ENOX1: variants seen among roughly 807,000 people sequenced by gnomAD.
ENOX1 encodes the protein ecto-NOX disulfide-thiol exchanger 1, also known as candidate growth-related and time keeping constitutive hydroquinone (NADH) oxidase.
Under a neutral mutation model 82.5 loss-of-function variants are expected in ENOX1, and 42 were observed. The observed-to-expected ratio is 0.51, with a 90% CI of 0.40 to 0.66. ENOX1 has a LOEUF of 0.66. ENOX1 is among the 30% of genes least tolerant of loss of function. The pLI, the probability that ENOX1 is intolerant of heterozygous loss-of-function variation, is 0.00. For missense variants in ENOX1, 608 were observed against 811.6 expected (o/e 0.75, Z 3.05); for synonymous variants, 271 against 282.2 (o/e 0.96, Z 0.40).
chr13:43,280,419 CA>C (rs751002054), intron 12 of ENOX1, among the ~76,000 whole-genome samples: 121 of 152,342 alleles, frequency 7.9e-4, no homozygotes, highest in Non-Finnish European at 1.4e-3. Context: ...TCATTAACAA[CA>C]GATATTACCA....
chr13:43,554,045 G>C (rs1270226530), intron 2 of ENOX1, among the ~76,000 whole-genome samples: 1 of 152,146 alleles, frequency 6.6e-6, no homozygotes, highest in Non-Finnish European at 1.5e-5. Context: ...CACTGCGCCT[G>C]GCTGAGAAAT....
At chr13:43,778,243 C>T (rs1318624905) in intron 1 of ENOX1, among the ~76,000 whole-genome samples, 1 of 152,214 alleles carries the variant, frequency 6.6e-6, no homozygotes, top group African/African-American at 2.4e-5. Context: ...AAGCTTCAAC[C>T]TCTTCATTTC....
chr13:43,228,095 CTTTTTTTTTTTTT>C (rs551861545), intron 15 of ENOX1, among the ~76,000 whole-genome samples: 3 of 84,722 alleles, frequency 3.5e-5, no homozygotes, highest in South Asian at 1.1e-3. Context: ...CTCTTTGCAG[CTTTTTTTTTTTTT>C]TTTTTTTTTT....
chr13:43,291,750 A>G (rs1404827449), intron 12 of ENOX1, among the ~76,000 whole-genome samples: 2 of 152,208 alleles, frequency 1.3e-5, no homozygotes, highest in Non-Finnish European at 2.9e-5. Context: ...TGTCAGAGGC[A>G]ATGTATGTGT....
At chr13:43,773,458 T>C (rs73189986) in intron 1 of ENOX1, among the ~76,000 whole-genome samples, 14,105 of 152,210 alleles carry the variant, frequency 0.093, 1,088 homozygotes, top group African/African-American at 0.21. Flanking sequence ...TCCAGCATAA[T>C]TGGGTCCTAA....
chr13:43,518,861 A>T (rs1160187513), intron 2 of ENOX1, among the ~76,000 whole-genome samples: 1 of 152,150 alleles, frequency 6.6e-6, no homozygotes, highest in Non-Finnish European at 1.5e-5. Context: ...TAATACACAC[A>T]CTCCACAGTG....
chr13:43,401,941 A>C (rs887044658), intron 5 of ENOX1, among the ~76,000 whole-genome samples: 1 of 151,022 alleles, frequency 6.6e-6, no homozygotes, highest in Non-Finnish European at 1.5e-5. Context: ...TAAAGAAGAC[A>C]AAAAAGGAAA....
At chr13:43,663,765 C>T (rs1050192926) in intron 2 of ENOX1, among the ~76,000 whole-genome samples, 3 of 151,852 alleles carry the variant, frequency 2.0e-5, no homozygotes, top group Non-Finnish European at 4.4e-5. Flanking sequence ...AAAGGATAAT[C>T]GTAGATTTAA....
At chr13:43,729,257 A>G (rs1355335510) in intron 1 of ENOX1, among the ~76,000 whole-genome samples, 2 of 152,244 alleles carry the variant, frequency 1.3e-5, no homozygotes, top group Non-Finnish European at 2.9e-5. Context: ...ATAAGTATCT[A>G]TTTAACTCAG....
At chr13:43,676,378 G>T (rs757310471) in intron 1 of ENOX1, among the ~76,000 whole-genome samples, 1 of 152,108 alleles carries the variant, frequency 6.6e-6, no homozygotes, top group African/African-American at 2.4e-5. Flanking sequence ...TGGACACTTT[G>T]TTTAGTCTGT....
intron 1 of ENOX1, among the ~76,000 whole-genome samples, chr13:43,715,227 T>C (rs1487832566): frequency 2.0e-5 from 3 of 152,242 alleles, no homozygotes. Context: ...TTAAGAATGT[T>C]GAATATTGGC....
chr13:43,588,820 G>C (rs1292140447), intron 2 of ENOX1, among the ~76,000 whole-genome samples: 2 of 152,146 alleles, frequency 1.3e-5, no homozygotes, highest in African/African-American at 2.4e-5. Context: ...CCCAGCAAAA[G>C]TTGCATGGAA....
intron 5 of ENOX1, among the ~76,000 whole-genome samples, chr13:43,377,257 C>T (rs2051704548): frequency 6.6e-6 from 1 of 152,128 alleles, no homozygotes; most frequent in South Asian, 2.1e-4. Flanking sequence ...TCAGTCCCCA[C>T]TCTCTCTCTG....
chr13:43,785,989 T>C (rs1030749554), intron 1 of ENOX1, among the ~76,000 whole-genome samples: 2 of 151,964 alleles, frequency 1.3e-5, no homozygotes, highest in African/African-American at 2.4e-5. Flanking sequence ...CGAGTCCGGC[T>C]GCCCCAGTGC....
intron 5 of ENOX1, among the ~76,000 whole-genome samples, chr13:43,385,730 C>T (rs1458710374): frequency 1.3e-5 from 2 of 152,014 alleles, no homozygotes; most frequent in African/African-American, 4.8e-5. Context: ...TAAACACATT[C>T]GTTTATACAT....
chr13:43,637,119 T>C (rs1350487911), intron 2 of ENOX1, among the ~76,000 whole-genome samples: 1 of 152,210 alleles, frequency 6.6e-6, no homozygotes, highest in Non-Finnish European at 1.5e-5. Flanking sequence ...CCTAATTTTA[T>C]GGAGAAAACT....
At chr13:43,323,288 C>T (rs2047919285) in intron 10 of ENOX1, among the ~76,000 whole-genome samples, 1 of 152,204 alleles carries the variant, frequency 6.6e-6, no homozygotes, top group Admixed American at 6.5e-5. Flanking sequence ...GCAATGGTTG[C>T]TTTAGCATCA....
At chr13:43,650,571 C>T (rs189027238) in intron 2 of ENOX1, among the ~76,000 whole-genome samples, 1 of 152,236 alleles carries the variant, frequency 6.6e-6, no homozygotes, top group East Asian at 1.9e-4. Flanking sequence ...CGCATGGTGG[C>T]CTCACTCCTG....
At chr13:43,583,103 C>A (rs919831740) in intron 2 of ENOX1, among the ~76,000 whole-genome samples, 30 of 152,092 alleles carry the variant, frequency 2.0e-4, no homozygotes, top group African/African-American at 7.0e-4. Flanking sequence ...ATTTAAACTC[C>A]TTCAAAGCAT....
Sources: allele counts gnomAD v4.1 joint callset (sites outside exome capture counted in the v4.1 genomes callset), GRCh38; gene constraint gnomAD v4.1.1; transcripts MANE v1.5; gene names NCBI Gene and HGNC (gene_info 2026-07-23, HGNC 2026-07-21).